The following MTUS1 variants were observed in gnomAD, a reference collection of about 807,000 sequenced individuals.
The protein encoded by MTUS1 is microtubule-associated tumor suppressor 1.
In MTUS1, 109 loss-of-function variants were observed where a neutral mutation model predicts 120.8. That is an observed-to-expected ratio of 0.90 (90% CI 0.77 to 1.06). The LOEUF is 1.06. Ranked by LOEUF, MTUS1 falls within the 50% of genes least tolerant of loss-of-function variation. MTUS1 has a pLI of 0.00. For synonymous variants in MTUS1, 737 were observed against 550.5 expected, an observed-to-expected ratio of 1.34 and a Z score of -4.74; for missense variants, 2,210 against 1,486.3, an observed-to-expected ratio of 1.49 and a Z score of -8.01.
At position 17,645,739 on chromosome 8, in the gene MTUS1, GAGGCAAA is replaced by G. The variant is rs1805643634; in HGVS notation, c.*180_*186del. The G allele has an allele frequency of 4.6e-6, 3 of 654,980 alleles. No homozygotes were observed. In the South Asian group the frequency reaches 1.1e-4, roughly 23 times the overall value. The allele number at this position is 654,980 out of a possible 1,614,324, so 40.6% of individuals were successfully genotyped here. On this transcript the variant is annotated 3_prime_UTR_variant, in exon 15 of 15. Coordinates refer to ENST00000693296, the MANE Select transcript of MTUS1 (RefSeq NM_001363059.2). ...TTTTTTTGGAGGAATCTTTTGGACG[GAGGCAAA>G]AGTCTTCCTCCAGAGTTCCAGTCTC...
At chr8:17,676,877 A>C (rs973899863) in intron 7 of MTUS1, among the ~76,000 whole-genome samples, 2 of 152,214 alleles carry the variant, frequency 1.3e-5, no homozygotes, top group Non-Finnish European at 1.5e-5. Context: ...ATGAAATGAG[A>C]GGTGTTTCAA....
chr8:17,789,264 C>T (rs574043130), intron 1 of MTUS1, among the ~76,000 whole-genome samples: 1 of 152,258 alleles, frequency 6.6e-6, no homozygotes, highest in African/African-American at 2.4e-5. Flanking sequence ...CTCCCAATCT[C>T]AGGTGATCTG....
intron 8 of MTUS1, among the ~76,000 whole-genome samples, chr8:17,657,344 G>A (rs1186648635): frequency 5.9e-4 from 89 of 151,598 alleles, no homozygotes; most frequent in African/African-American, 1.4e-3. Context: ...CGAGGCGGGC[G>A]GATCACGAGG....
In MTUS1 at chr8:17,645,808, A is replaced by G; in HGVS notation, c.*118T>C. 7.3e-7 allele frequency: 1 copy of G among 1,365,088 alleles called. No individual in the cohort carries two copies. The highest frequency in any genetic ancestry group is 9.7e-7 in the Non-Finnish European group (1 of 1,032,616). The allele number at this position is 1,365,088 out of a possible 1,614,324, so 84.6% of individuals were successfully genotyped here. On this transcript the variant is annotated 3_prime_UTR_variant, in exon 15 of 15. Coordinates refer to ENST00000693296, the MANE Select transcript of MTUS1 (RefSeq NM_001363059.2). Reference sequence around the variant, plus strand: ...TTCCGCCGGTGGTGACGCTCCAGTTACCCTACGGTGATCACACGTGTGCTG... The same window carrying G: ...TTCCGCCGGTGGTGACGCTCCAGTTGCCCTACGGTGATCACACGTGTGCTG...
rs538457302 is a variant in MTUS1 at position 17,783,662 on chromosome 8, G to A, written c.-155+17399C>T. ...ACTCAGCCTGAGGCTCCATGAAGAC[G>A]GTCCTTGAGTCTGACTTCCAAGGGC... On this transcript the variant is annotated intron_variant, in intron 1 of 14. Transcript: ENST00000693296. Among the ~76,000 whole-genome samples, 140 of 152,234 alleles carry A rather than the reference G, an allele frequency of 9.2e-4. 2 individuals are homozygous for A. In the South Asian group the frequency reaches 0.028, roughly 31 times the overall value.
At chr8:17,723,508 A>G in intron 4 of MTUS1, 164 bp downstream of exon 4, 1 of 725,788 alleles carries the variant, frequency 1.4e-6, no homozygotes, top group Non-Finnish European at 2.4e-6. Flanking sequence ...AGTGTTTTTC[A>G]AAGAATTTTT....
chr8:17,645,860 CT>C lies in MTUS1; in HGVS notation c.*65del. The C allele has an allele frequency of 6.5e-7, 1 of 1,543,994 alleles. No homozygotes were observed. Among genetic ancestry groups the C allele is most frequent in the Non-Finnish European group, 8.7e-7 (1 of 1,144,144 alleles). ...TATACCTCTTGTGCCCACGTTCCTC[CT>C]TGGGGTCAGTCCTGCAGACCTGCAT... On this transcript the variant is annotated 3_prime_UTR_variant, in exon 15 of 15. Transcript: ENST00000693296.
At chr8:17,688,444 A>C (rs1816287682) in intron 6 of MTUS1, among the ~76,000 whole-genome samples, 1 of 152,252 alleles carries the variant, frequency 6.6e-6, no homozygotes, top group African/African-American at 2.4e-5. Flanking sequence ...CTGGATGGTA[A>C]GTCCTTTCTA....
At position 17,753,791 on chromosome 8, in the gene MTUS1, C is replaced by T. The variant is rs2048369995; in HGVS notation, c.2017G>A (p.Gly673Arg). The T allele has an allele frequency of 1.9e-6, 3 of 1,613,530 alleles. No homozygotes were observed. The highest frequency in any genetic ancestry group is 2.5e-6 in the Non-Finnish European group (3 of 1,179,920). Reference sequence around the variant, plus strand: ...AGCTCTTGTTTTTCCATAGATGTCCCATTTTCTTTTTCACCCTTCTTTTCA... The same window carrying T: ...AGCTCTTGTTTTTCCATAGATGTCCTATTTTCTTTTTCACCCTTCTTTTCA... ...SPEKKGEKEN[G>R]TSMEKQELKQ... The change falls in exon 2 of 15, where the codon GGG (glycine) becomes AGG (arginine). Residue 673 changes from glycine to arginine, a missense_variant. By Grantham distance (125) the Gly-to-Arg change is moderately radical. Transcript: ENST00000693296.
chr8:17,727,499 G>A (rs1035002659), intron 3 of MTUS1, among the ~76,000 whole-genome samples: 3 of 152,280 alleles, frequency 2.0e-5, no homozygotes, highest in Admixed American at 6.5e-5. Context: ...AAAACCGTAC[G>A]GATGCAACAA....
chr8:17,729,565 A>C (rs1360432879), intron 3 of MTUS1, among the ~76,000 whole-genome samples: 2 of 152,238 alleles, frequency 1.3e-5, no homozygotes, highest in Non-Finnish European at 2.9e-5. Flanking sequence ...TTATCAAAAA[A>C]GTGCTATTCT....
chr8:17,655,317 A>G (rs1380604244), intron 9 of MTUS1, among the ~76,000 whole-genome samples: 2 of 152,060 alleles, frequency 1.3e-5, no homozygotes, highest in African/African-American at 4.8e-5. Context: ...AATGCAAAAC[A>G]ATAGTTTGGC....
At chr8:17,789,408 G>A (rs2051581462) in intron 1 of MTUS1, among the ~76,000 whole-genome samples, 2 of 152,136 alleles carry the variant, frequency 1.3e-5, no homozygotes, top group African/African-American at 4.8e-5. Context: ...GAGGGACGTG[G>A]GGGTAGATCG....
chr8:17,771,199 A>G (rs1057495051), intron 1 of MTUS1, among the ~76,000 whole-genome samples: 3 of 152,176 alleles, frequency 2.0e-5, no homozygotes, highest in Non-Finnish European at 4.4e-5. Flanking sequence ...TAATAAATAA[A>G]ATAATCTGTG....
intron 1 of MTUS1, among the ~76,000 whole-genome samples, chr8:17,798,486 A>T (rs7819439): frequency 6.6e-6 from 1 of 151,660 alleles, no homozygotes; most frequent in African/African-American, 2.4e-5. Flanking sequence ...ATCCATGCCA[A>T]CACAATTGAC....
intron 5 of MTUS1, among the ~76,000 whole-genome samples, chr8:17,713,723 C>T (rs1484521016): frequency 2.0e-5 from 3 of 152,086 alleles, no homozygotes; most frequent in Non-Finnish European, 4.4e-5. Context: ...AATATAAAAT[C>T]AGGAGGGGTA....
At chr8:17,679,605 G>A (rs10888142) in intron 7 of MTUS1, among the ~76,000 whole-genome samples, 84,938 of 151,396 alleles carry the variant, frequency 0.56, 24,864 homozygotes, top group Middle Eastern at 0.7. Context: ...GGGTTCAAGC[G>A]ATTCGTATGC....
intron 1 of MTUS1, among the ~76,000 whole-genome samples, chr8:17,789,048 T>C: frequency 6.6e-6 from 1 of 152,122 alleles, no homozygotes; most frequent in East Asian, 1.9e-4. Context: ...TTTTTTTTTT[T>C]TGAGACGGAG....
intron 6 of MTUS1, among the ~76,000 whole-genome samples, chr8:17,700,045 T>C (rs1818728998): frequency 6.6e-6 from 1 of 152,150 alleles, no homozygotes; most frequent in South Asian, 2.1e-4. Flanking sequence ...AAAAAGCATC[T>C]TTGTTATTTT....
Sources: gnomAD v4.1 joint callset for allele counts (sites outside exome capture counted in the v4.1 genomes callset) on GRCh38, gnomAD v4.1.1 for gene constraint, MANE v1.5 for transcripts, NCBI Gene and HGNC (gene_info 2026-07-23, HGNC 2026-07-21) for gene names.